The following TOP1MT variants were observed in gnomAD, a reference collection of about 807,000 sequenced individuals.
TOP1MT encodes the protein DNA topoisomerase I, mitochondrial.
In TOP1MT, 80 loss-of-function variants were observed where a neutral mutation model predicts 73.9. That is an observed-to-expected ratio of 1.08 (90% CI 0.90 to 1.30). The LOEUF (loss-of-function observed/expected upper bound fraction) is 1.30, where lower values mean the gene tolerates loss of function less well. TOP1MT is among the 50% of genes most tolerant of loss of function. TOP1MT has a pLI of 0.00. For missense variants in TOP1MT, 815 were observed against 808.0 expected (o/e 1.01, Z -0.10); for synonymous variants, 338 against 326.4 (o/e 1.04, Z -0.38).
chr8:143,329,411 A>G lies in TOP1MT; in HGVS notation c.299T>C (p.Leu100Ser). ...CTCCTTTGTTGTGTATTCATGATCT[A>G]ACATCCTCCCATAAAAAGTGGCGAC... The part of the protein sequence containing the change: ...EEVATFYGRM[L>S]DHEYTTKEVF... Residue 100 changes from leucine to serine, a missense_variant, in exon 3 of 14, where the codon TTA (leucine) becomes TCA (serine). Physicochemically the swap from Leu to Ser is moderately radical, Grantham distance 145 (BLOSUM62 -2). Around this residue, in one of 3 missense-constraint regions of TOP1MT, gnomAD observed 751 missense variants for 725.4 expected, o/e 1.04. Coordinates refer to ENST00000329245, the MANE Select transcript of TOP1MT (RefSeq NM_052963.3). The G allele has an allele frequency of 1.2e-6, 2 of 1,610,456 alleles. No homozygotes were observed. The highest frequency in any genetic ancestry group is 2.7e-5 in the African/African-American group (2 of 74,682).
At chr8:143,350,611 C>T (rs775129752) in intron 1 of TOP1MT, among the ~76,000 whole-genome samples, 5 of 152,232 alleles carry the variant, frequency 3.3e-5, no homozygotes, top group Admixed American at 6.5e-5. Flanking sequence ...GGATTACAGG[C>T]GTGAGCCACA....
At chr8:143,321,147 A>C in intron 8 of TOP1MT, 54 bp downstream of exon 8, 1 of 1,493,516 alleles carries the variant, frequency 6.7e-7, no homozygotes, top group Non-Finnish European at 9.0e-7. Flanking sequence ...GCCCCCAGAC[A>C]TCCAGAGCAA....
Position 143,341,048 on chromosome 8 carries a change from C to T in TOP1MT, c.29+2172G>A, listed in dbSNP as rs1424733788. Reference sequence around the variant, plus strand: ...GCTCTGTCTATCCCACTGCCCAGAGCGCGCTCCTCCCCAGCTCCCACGGCG... The same window carrying T: ...GCTCTGTCTATCCCACTGCCCAGAGTGCGCTCCTCCCCAGCTCCCACGGCG... On this transcript the variant is annotated intron_variant, in intron 2 of 5. Coordinates refer to the TOP1MT transcript ENST00000518007. The surrounding 1 kb of genome is among the most constrained non-coding windows in gnomAD (Gnocchi z 4.1). 1.3e-5 allele frequency among the ~76,000 whole-genome samples: 2 copies of T among 152,098 alleles called. No homozygotes were observed. The highest frequency in any genetic ancestry group is 4.8e-5 in the African/African-American group (2 of 41,412).
intron 7 of TOP1MT, among the ~76,000 whole-genome samples, chr8:143,322,443 GC>G (rs1816471852): frequency 2.2e-5 from 2 of 91,548 alleles, no homozygotes; most frequent in Non-Finnish European, 1.9e-5. Context: ...CCACACGCAC[GC>G]CACACACAGG....
chr8:143,327,161 AAC>A (rs1816729301), intron 3 of TOP1MT: 1 of 152,266 alleles, frequency 6.6e-6, no homozygotes, highest in Non-Finnish European at 1.5e-5. Context: ...CACAGCAGAA[AAC>A]AGTTTGACGA....
At chr8:143,352,116 G>A (rs938775190) in intron 1 of TOP1MT, among the ~76,000 whole-genome samples, 3 of 152,090 alleles carry the variant, frequency 2.0e-5, no homozygotes, top group Non-Finnish European at 4.4e-5. Flanking sequence ...CTCTCCAAAC[G>A]GATCAAAAAA....
intron 5 of TOP1MT, among the ~76,000 whole-genome samples, chr8:143,324,874 C>T (rs974016336): frequency 3.9e-5 from 6 of 152,168 alleles, no homozygotes; most frequent in African/African-American, 1.4e-4. Context: ...AGCAAGGCAC[C>T]GCTCTGCACA....
At chr8:143,354,628 C>T (rs1817376728) in intron 1 of TOP1MT, among the ~76,000 whole-genome samples, 1 of 152,020 alleles carries the variant, frequency 6.6e-6, no homozygotes, top group Admixed American at 6.6e-5. Flanking sequence ...AGGAGAATCG[C>T]TTGAACCTGG....
chr8:143,328,627 C>T (rs566724742), intron 3 of TOP1MT, among the ~76,000 whole-genome samples: 41 of 152,374 alleles, frequency 2.7e-4, no homozygotes, highest in South Asian at 8.3e-4. Context: ...GCAACTCACA[C>T]ATATGTGCCC....
upstream of TOP1MT, among the ~76,000 whole-genome samples, chr8:143,349,247 A>G (rs1350922036): frequency 2.0e-5 from 3 of 152,124 alleles, no homozygotes; most frequent in African/African-American, 7.2e-5. Flanking sequence ...CAACCAAATC[A>G]GAGTCGAGGG....
chr8:143,315,920 C>G lies in TOP1MT; in HGVS notation c.1458+79G>C, dbSNP rs986520224. 5 of 1,609,752 alleles carry G rather than the reference C, an allele frequency of 3.1e-6. No individual in the cohort carries two copies. In the African/African-American group the frequency reaches 6.7e-5, roughly 22 times the overall value. On this transcript the variant is annotated intron_variant, in intron 11 of 13. Coordinates refer to ENST00000329245, the MANE Select transcript of TOP1MT (RefSeq NM_052963.3). ...CCCTACGTGCCCACCGCAGCTGGCTCCCAGGCCTGTGCCGAGGCTCTGGGG... is the reference window on the plus strand; with the variant it reads ...CCCTACGTGCCCACCGCAGCTGGCTGCCAGGCCTGTGCCGAGGCTCTGGGG...
At position 143,329,922 on chromosome 8, in the gene TOP1MT, A is replaced by T. The variant is rs145391659; in HGVS notation, c.239-451T>A. Among the ~76,000 whole-genome samples, 186 of 143,498 alleles carry T rather than the reference A, an allele frequency of 1.3e-3. 1 individual carries two copies. Among genetic ancestry groups the T allele is most frequent in the African/African-American group, 5.0e-3 (173 of 34,492 alleles). 94.1% of individuals were successfully genotyped at this position (143,498 alleles called of 152,430 possible). A position where few individuals can be genotyped will look rare whatever the true frequency, so the allele number is the denominator to read the frequency against. On this transcript the variant is annotated intron_variant, in intron 2 of 13. Transcript: ENST00000329245. The stretch of plus-strand genomic sequence containing the variant: ...CCACCATTCCCTGCATTTTATTCTA[A>T]GATCAGTGTGGTTTAGAGATGGGGG...
At chr8:143,356,779 CTGTCT>C (rs1817415380), upstream of TOP1MT, among the ~76,000 whole-genome samples, 2 of 75,194 alleles carry the variant, frequency 2.7e-5, no homozygotes, top group Non-Finnish European at 2.3e-5. Flanking sequence ...GAGTGAGACT[CTGTCT>C]CAAAAAAAAA....
At chr8:143,335,938 T>A (rs2467951), upstream of TOP1MT, among the ~76,000 whole-genome samples, 18,088 of 152,088 alleles carry the variant, frequency 0.12, 3,594 homozygotes, top group African/African-American at 0.41. Context: ...TGTCCCATCA[T>A]TTCAGAATGA....
rs1245086243 is a variant in TOP1MT, at chr8:143,341,826, T to C, written c.29+1394A>G. ...CCCCATCTAGTGCTTCCTTCTTCCTTCTTCTTCCTCTTCTTCCTCCTCCTC... is the reference window on the plus strand; with the variant it reads ...CCCCATCTAGTGCTTCCTTCTTCCTCCTTCTTCCTCTTCTTCCTCCTCCTC... On this transcript the variant is annotated intron_variant, in intron 2 of 5. Coordinates refer to the TOP1MT transcript ENST00000518007. This position sits in a 1 kb window ranked among gnomAD's most constrained non-coding sequence, Gnocchi z 4.1. Among the ~76,000 whole-genome samples, 1 of 146,210 alleles carries C rather than the reference T, an allele frequency of 6.8e-6. No homozygotes were observed. Among genetic ancestry groups the C allele is most frequent in the Non-Finnish European group, 1.5e-5 (1 of 67,226 alleles).
At chr8:143,339,216 TAAC>T (rs1817032581), upstream of TOP1MT, among the ~76,000 whole-genome samples, 1 of 152,162 alleles carries the variant, frequency 6.6e-6, no homozygotes, top group South Asian at 2.1e-4. Context: ...ACTTTGACCT[TAAC>T]AATATACTTA....
Position 143,326,317 on chromosome 8 carries a change from T to C in TOP1MT, c.388A>G (p.Ile130Val), listed in dbSNP as rs757263295. 1.9e-6 allele frequency: 3 copies of C among 1,614,044 alleles called. No homozygotes were observed. Among genetic ancestry groups the C allele is most frequent in the Non-Finnish European group, 1.7e-6 (2 of 1,180,028 alleles). The change falls in exon 4 of 14, where the codon ATC (isoleucine) becomes GTC (valine). Residue 130 changes from isoleucine (I) to valine (V), a missense_variant. Around this residue, in one of 3 missense-constraint regions of TOP1MT, gnomAD observed 751 missense variants for 725.4 expected, o/e 1.04. Transcript: ENST00000329245. ...AAGTCACACTTGTCCAGGCTCTTGA[T>C]GACTTCCCTCTCTTCCACCGCCATT... The part of the protein sequence containing the change: ...KEMAVEEREV[I>V]KSLDKCDFTE...
chr8:143,359,535 G>T, upstream of TOP1MT: 1 of 583,608 alleles, frequency 1.7e-6, no homozygotes, highest in Non-Finnish European at 2.2e-6. Flanking sequence ...GGAGCGATGA[G>T]GAGGGGTGGG....
intron 3 of TOP1MT, among the ~76,000 whole-genome samples, chr8:143,326,855 T>TA (rs1048935366): frequency 6.6e-6 from 1 of 152,140 alleles, no homozygotes; most frequent in African/African-American, 2.4e-5. Context: ...TGGTCAGTTG[T>TA]AAATCATAGT....
Sources: allele counts gnomAD v4.1 joint callset (sites outside exome capture counted in the v4.1 genomes callset), GRCh38; gene constraint gnomAD v4.1.1; regional missense constraint gnomAD v4.1.1; non-coding constraint Gnocchi (gnomAD v3.1); transcripts MANE v1.5; gene names NCBI Gene and HGNC (gene_info 2026-07-23, HGNC 2026-07-21).